Variants in FBRSL1 observed in about 807,000 individuals in gnomAD.
The protein encoded by FBRSL1 is fibrosin-1-like protein.
FBRSL1 carries 51 observed loss-of-function variants against 89.6 expected under a neutral mutation model. The observed-to-expected ratio is 0.57, with a 90% CI of 0.45 to 0.72. The LOEUF (loss-of-function observed/expected upper bound fraction) is 0.72, where lower values mean the gene tolerates loss of function less well. Ranked by LOEUF, FBRSL1 falls within the 30% of genes least tolerant of loss-of-function variation. The pLI, the probability that FBRSL1 is intolerant of heterozygous loss-of-function variation, is 0.00. For missense variants in FBRSL1, 1,618 were observed against 1,451.8 expected (o/e 1.11, Z -1.86); for synonymous variants, 779 against 681.1 (o/e 1.14, Z -2.24).
chr12:132,535,449 G>A (rs2036629003), intron 4 of FBRSL1, among the ~76,000 whole-genome samples: 1 of 152,258 alleles, frequency 6.6e-6, no homozygotes. Context: ...AGGCCTCTGA[G>A]GCGGGATGGG....
chr12:132,582,674 C>G (rs1209653709), intron 18 of FBRSL1, among the ~76,000 whole-genome samples: 1 of 152,060 alleles, frequency 6.6e-6, no homozygotes, highest in Non-Finnish European at 1.5e-5. Flanking sequence ...GGGAGGAGTT[C>G]GGGGGTGCGG....
At chr12:132,514,527 C>A (rs1051802206) in intron 2 of FBRSL1, among the ~76,000 whole-genome samples, 1 of 152,250 alleles carries the variant, frequency 6.6e-6, no homozygotes, top group Non-Finnish European at 1.5e-5. Flanking sequence ...TGTGGGGAGA[C>A]CCCGAGGGGG....
chr12:132,572,450 G>A (rs1329262117), intron 10 of FBRSL1, 77 bp from the exon 11 acceptor site: 5 of 1,498,998 alleles, frequency 3.3e-6, no homozygotes. Context: ...TGCTGCATTG[G>A]TGCCACCTTC....
rs1317430576 is a variant in FBRSL1 at position 132,570,389 on chromosome 12, C to G, written c.1062C>G (p.His354Gln). The change falls in exon 8 of 19, where the codon CAC becomes CAG. Residue 354 changes from histidine to glutamine, a missense_variant. Transcript: ENST00000680143. Reference protein sequence around the residue: ...GLGKHVSLSPHGPGPHLSTSH... With the variant: ...GLGKHVSLSPQGPGPHLSTSH... ...GGAAGCACGTGTCGCTGTCGCCACA[C>G]GGGCCGGGCCCCCACCTGTCTACCT... 3.3e-6 allele frequency: 5 copies of G among 1,534,126 alleles called. No individual in the cohort carries two copies. The Admixed American group carries it at 5.9e-5, about 18-fold the overall frequency.
chr12:132,577,669 T>C (rs2040466895), intron 15 of FBRSL1, among the ~76,000 whole-genome samples: 1 of 151,096 alleles, frequency 6.6e-6, no homozygotes, highest in South Asian at 2.1e-4. Context: ...CAACACAACG[T>C]GACCACACCC....
intron 1 of FBRSL1, among the ~76,000 whole-genome samples, chr12:132,501,411 T>G (rs1028972831): frequency 1.3e-5 from 2 of 152,188 alleles, no homozygotes; most frequent in East Asian, 3.8e-4. Context: ...TGTCCCAGGC[T>G]GCTGCGTGGG....
intron 5 of FBRSL1, chr12:132,551,577 C>T: frequency 2.2e-6 from 1 of 456,294 alleles, no homozygotes; most frequent in Non-Finnish European, 4.4e-6. Context: ...GGGGTGCCAG[C>T]TCCCACCTGG....
Position 132,570,518 on chromosome 12 carries a change from G to A in FBRSL1, c.1191G>A (p.Leu397=), listed in dbSNP as rs957336043. The A allele has an allele frequency of 6.6e-7, 1 of 1,523,942 alleles. No individual in the cohort carries two copies. The highest frequency in any genetic ancestry group is 8.8e-7 in the Non-Finnish European group (1 of 1,140,836). 94.4% of individuals were successfully genotyped at this position (1,523,942 alleles called of 1,614,324 possible). A position where few individuals can be genotyped will look rare whatever the true frequency, so the allele number is the denominator to read the frequency against. The stretch of plus-strand genomic sequence containing the variant: ...CCCCGGCGCTGCCGGCCAGCAGCCT[G>A]GTCCTCCCAGGACACCCGGCCGGTA... The part of the protein sequence containing the change: ...PPPPALPASS[L]VLPGHPADAS... Residue 397 remains leucine, a synonymous_variant, in exon 8 of 19, where the codon CTG becomes CTA. Coordinates refer to ENST00000680143, the MANE Select transcript of FBRSL1 (RefSeq NM_001367871.1).
At chr12:132,509,437 C>T (rs569193001) in intron 2 of FBRSL1, 13 of 1,241,284 alleles carry the variant, frequency 1.0e-5, no homozygotes, top group Non-Finnish European at 1.3e-5. Context: ...CCCTGCCGGC[C>T]CCAGCGGCTC....
rs1466134960 is a variant in FBRSL1, at chr12:132,582,964, C to T, written c.2202-7C>T. 1.5e-5 allele frequency: 21 copies of T among 1,408,796 alleles called. No homozygotes were observed. Among genetic ancestry groups the T allele is most frequent in the Non-Finnish European group, 1.8e-5 (20 of 1,090,884 alleles). 87.3% of individuals were successfully genotyped at this position (1,408,796 alleles called of 1,614,324 possible). ...CGGGAGTGACGGGTCCGCCCTGCCG[C>T]CCCCAGGGACCTCCTGGAGAAGACG... On this transcript the variant is annotated splice_polypyrimidine_tract_variant and splice_region_variant and intron_variant, in intron 18 of 18. Transcript: ENST00000680143.
chr12:132,521,530 C>CG (rs1403378220), intron 2 of FBRSL1, among the ~76,000 whole-genome samples: 3 of 152,170 alleles, frequency 2.0e-5, no homozygotes, highest in Non-Finnish European at 4.4e-5. Context: ...AGGCAGCCCC[C>CG]GACTCTCACC....
At position 132,490,753 on chromosome 12, in the gene FBRSL1, C is replaced by G. The variant is rs1430858216; in HGVS notation, c.183C>G (p.Pro61=). 1.8e-5 allele frequency: 19 copies of G among 1,079,310 alleles called. No homozygotes were observed. Among genetic ancestry groups the G allele is most frequent in the African/African-American group, 5.1e-5 (3 of 58,704 alleles). The allele number at this position is 1,079,310 out of a possible 1,614,324, so 66.9% of individuals were successfully genotyped here. The change falls in exon 1 of 19, where the codon CCC becomes CCG. Residue 61 remains proline (P), a synonymous_variant. Transcript: ENST00000680143. ...GAPPRGAAPA[P]RTARPPRRRR... Reference sequence around the variant, plus strand: ...CCCCCCGAGGCGCCGCCCCCGCGCCCCGCACCGCGCGTCCCCCGCGCCGCC... The same window carrying G: ...CCCCCCGAGGCGCCGCCCCCGCGCCGCGCACCGCGCGTCCCCCGCGCCGCC...
rs558399735 is a variant in FBRSL1, at chr12:132,550,929, G to A, written c.645+2897G>A. The A allele has an allele frequency of 5.5e-5, 10 of 181,642 alleles. No homozygotes were observed. In the East Asian group the frequency reaches 1.1e-3, roughly 20 times the overall value. 11.3% of individuals were successfully genotyped at this position (181,642 alleles called of 1,614,324 possible). ...GGGTCAGGAACTTACGCTGGGCGGAGGGTGTGCGTGGAGCCCATCCAGACG... is the reference window on the plus strand; with the variant it reads ...GGGTCAGGAACTTACGCTGGGCGGAAGGTGTGCGTGGAGCCCATCCAGACG... On this transcript the variant is annotated intron_variant, in intron 5 of 18. Coordinates refer to ENST00000680143, the MANE Select transcript of FBRSL1 (RefSeq NM_001367871.1).
chr12:132,562,132 TGGGTCA>T, intron 5 of FBRSL1, among the ~76,000 whole-genome samples: 1 of 152,132 alleles, frequency 6.6e-6, no homozygotes, highest in Non-Finnish European at 1.5e-5. Flanking sequence ...CTGCGTAGCC[TGGGTCA>T]CCGGCAGTGG....
intron 5 of FBRSL1, chr12:132,552,636 A>C (rs533827126): frequency 6.4e-6 from 1 of 157,474 alleles, no homozygotes; most frequent in African/African-American, 2.6e-5. Flanking sequence ...AGAAGGACGG[A>C]TGGACGGCTG....
chr12:132,543,349 G>A (rs1009255290), intron 4 of FBRSL1, among the ~76,000 whole-genome samples: 4 of 152,078 alleles, frequency 2.6e-5, no homozygotes, highest in Admixed American at 6.5e-5. Flanking sequence ...ACCTGCCCAC[G>A]CCGGGCTCCG....
At position 132,569,933 on chromosome 12, in the gene FBRSL1, G is replaced by A. The variant is rs540395690; in HGVS notation, c.699G>A (p.Ala233=). ...LFAPGTDKGP[A]LEKSEAKAGP... is the part of the protein sequence containing the mutation. The stretch of plus-strand genomic sequence containing the variant: ...GCCACCCTCTCTCTGCAGGCCCAGC[G>A]CTTGAGAAGTCGGAGGCCAAGGCCG... The change falls in exon 7 of 19, where the codon GCG becomes GCA. Residue 233 remains alanine (A), a synonymous_variant. Coordinates refer to ENST00000680143, the MANE Select transcript of FBRSL1 (RefSeq NM_001367871.1). 1.6e-5 allele frequency: 22 copies of A among 1,409,752 alleles called. No individual in the cohort carries two copies. Among genetic ancestry groups the A allele is most frequent in the African/African-American group, 1.2e-4 (8 of 66,368 alleles). 87.3% of individuals were successfully genotyped at this position (1,409,752 alleles called of 1,614,324 possible). A position where few individuals can be genotyped will look rare whatever the true frequency, so the allele number is the denominator to read the frequency against.
Position 132,583,229 on chromosome 12 carries a change from G to A in FBRSL1, c.2460G>A (p.Glu820=). 1 of 1,388,956 alleles carries A rather than the reference G, an allele frequency of 7.2e-7. No homozygotes were observed. The allele number at this position is 1,388,956 out of a possible 1,614,324, so 86.0% of individuals were successfully genotyped here. A position where few individuals can be genotyped will look rare whatever the true frequency, so the allele number is the denominator to read the frequency against. ...GDVKVKEERG[E]DEASEPPAGG... ...TGAAGGTCAAGGAGGAGCGCGGGGA[G>A]GACGAGGCCTCCGAGCCCCCGGCGG... The change falls in exon 19 of 19, where the codon GAG becomes GAA. Residue 820 remains glutamate (E), a synonymous_variant. Coordinates refer to ENST00000680143, the MANE Select transcript of FBRSL1 (RefSeq NM_001367871.1).
At chr12:132,536,935 ATGT>A (rs1444380932) in intron 4 of FBRSL1, among the ~76,000 whole-genome samples, 3 of 152,192 alleles carry the variant, frequency 2.0e-5, no homozygotes, top group African/African-American at 4.8e-5. Context: ...ATATGTGATC[ATGT>A]TGTGCCATGC....
Sources: allele counts gnomAD v4.1 joint callset (sites outside exome capture counted in the v4.1 genomes callset), GRCh38; gene constraint gnomAD v4.1.1; transcripts MANE v1.5; gene names NCBI Gene and HGNC (gene_info 2026-07-23, HGNC 2026-07-21).